The following MTUS2 variants were observed in gnomAD, a reference collection of about 807,000 sequenced individuals.
MTUS2 encodes microtubule associated scaffold protein 2.
MTUS2 carries 40 observed loss-of-function variants against 114.1 expected under a neutral mutation model. The observed-to-expected ratio is 0.35, with a 90% CI of 0.27 to 0.46. MTUS2 has a LOEUF of 0.46. Among genes scored for constraint, MTUS2 ranks in the 20% least tolerant of loss-of-function variants. The pLI is 1.00. For missense variants in MTUS2, 1,679 were observed against 1,705.4 expected, an observed-to-expected ratio of 0.98 and a Z score of 0.27; for synonymous variants, 688 against 672.0, an observed-to-expected ratio of 1.02 and a Z score of -0.37.
At chr13:28,886,208 C>T (rs76726770) in intron 2 of MTUS2, among the ~76,000 whole-genome samples, 5,175 of 152,094 alleles carry the variant, frequency 0.034, 275 homozygotes, top group African/African-American at 0.12. Flanking sequence ...TTTTACTTTG[C>T]GAGATGGGAA....
chr13:29,226,604 C>G (rs977308185), intron 5 of MTUS2, among the ~76,000 whole-genome samples: 2 of 151,782 alleles, frequency 1.3e-5, no homozygotes, highest in Non-Finnish European at 2.9e-5. Flanking sequence ...TTCTCCAAAG[C>G]TTTTAAGACT....
intron 5 of MTUS2, among the ~76,000 whole-genome samples, chr13:29,233,125 T>C (rs537356457): frequency 8.5e-5 from 13 of 152,158 alleles, no homozygotes; most frequent in African/African-American, 2.9e-4. Context: ...TTTTGAAAAA[T>C]AGGTTAATAA....
At chr13:29,307,232 G>T in intron 6 of MTUS2, 1 of 605,702 alleles carries the variant, frequency 1.7e-6, no homozygotes, top group Non-Finnish European at 3.0e-6. Flanking sequence ...AATGCCTCCT[G>T]CACCATGAAT....
At position 29,480,978 on chromosome 13, in the gene MTUS2, G is replaced by T. The variant is rs1357498636; in HGVS notation, c.3399+614G>T. On this transcript the variant is annotated intron_variant, in intron 10 of 15. Coordinates refer to ENST00000612955, the MANE Select transcript of MTUS2 (RefSeq NM_001033602.4). This position sits in a 1 kb window ranked among gnomAD's most constrained non-coding sequence, Gnocchi z 4.4. ...CACGGAAGAAAGCCAAGCCCCCATG[G>T]TTCAATAATTTGCCAGAATTCACAG... is the stretch of plus-strand genomic sequence containing the variant. 2.6e-5 allele frequency among the ~76,000 whole-genome samples: 4 copies of T among 152,100 alleles called. No homozygotes were observed. The highest frequency in any genetic ancestry group is 5.9e-5 in the Non-Finnish European group (4 of 68,014).
At chr13:28,857,921 T>G (rs1876737609) in intron 2 of MTUS2, among the ~76,000 whole-genome samples, 1 of 152,202 alleles carries the variant, frequency 6.6e-6, no homozygotes, top group Admixed American at 6.5e-5. Context: ...GACTGGGCAC[T>G]AAGAACACTG....
At chr13:29,451,538 G>T (rs763228888) in intron 9 of MTUS2, among the ~76,000 whole-genome samples, 9 of 151,852 alleles carry the variant, frequency 5.9e-5, no homozygotes, top group African/African-American at 9.7e-5. Context: ...GAGGTGAGGA[G>T]TATTATTTGA....
At chr13:29,088,278 A>G (rs1162913975) in intron 4 of MTUS2, among the ~76,000 whole-genome samples, 1 of 101,000 alleles carries the variant, frequency 9.9e-6, no homozygotes, top group Non-Finnish European at 2.4e-5. Context: ...ATGTAATTAT[A>G]TGGTTTAGAG....
chr13:29,111,291 A>C (rs1890873509), intron 5 of MTUS2, among the ~76,000 whole-genome samples: 3 of 152,196 alleles, frequency 2.0e-5, no homozygotes, highest in Admixed American at 1.3e-4. Context: ...ATAAGATAAA[A>C]ATTTTAGAAC....
At chr13:28,932,867 G>C (rs1376540909) in intron 2 of MTUS2, among the ~76,000 whole-genome samples, 2 of 152,094 alleles carry the variant, frequency 1.3e-5, no homozygotes, top group Admixed American at 6.6e-5. Flanking sequence ...AATCCTGTTA[G>C]TGCAGTGCTT....
At chr13:29,111,685 T>C (rs1321176051) in intron 5 of MTUS2, among the ~76,000 whole-genome samples, 4 of 152,202 alleles carry the variant, frequency 2.6e-5, no homozygotes, top group Admixed American at 6.5e-5. Context: ...TGTTGTAACA[T>C]GCATAGGCCA....
intron 4 of MTUS2, among the ~76,000 whole-genome samples, chr13:29,096,993 C>T (rs1890205231): frequency 6.6e-6 from 1 of 152,106 alleles, no homozygotes; most frequent in East Asian, 1.9e-4. Flanking sequence ...GACCTTTTGA[C>T]CACTCTCTCA....
intron 5 of MTUS2, among the ~76,000 whole-genome samples, chr13:29,266,613 A>G (rs1197750447): frequency 3.3e-5 from 5 of 152,188 alleles, no homozygotes; most frequent in Admixed American, 2.6e-4. Context: ...TGATCATACT[A>G]TATTATAGAT....
At chr13:29,457,722 CA>C (rs1207787759) in intron 9 of MTUS2, among the ~76,000 whole-genome samples, 1 of 152,100 alleles carries the variant, frequency 6.6e-6, no homozygotes, top group African/African-American at 2.4e-5. Context: ...AAACACCAAA[CA>C]GTTCTCCAAA....
At chr13:29,203,028 C>T (rs574510849) in intron 5 of MTUS2, among the ~76,000 whole-genome samples, 1 of 152,364 alleles carries the variant, frequency 6.6e-6, no homozygotes, top group South Asian at 2.1e-4. Context: ...TAGCAGAGCT[C>T]AAGCACTGTG....
intron 2 of MTUS2, among the ~76,000 whole-genome samples, chr13:28,955,660 C>G (rs1490424060): frequency 6.6e-6 from 1 of 152,174 alleles, no homozygotes; most frequent in Non-Finnish European, 1.5e-5. Flanking sequence ...CCCCTCCCTT[C>G]AGATGCCATT....
chr13:29,184,746 AAACG>A (rs910422567), intron 5 of MTUS2, among the ~76,000 whole-genome samples: 2 of 152,252 alleles, frequency 1.3e-5, no homozygotes, highest in African/African-American at 4.8e-5. Flanking sequence ...GTCACTGAAC[AAACG>A]GACGACAAAC....
In MTUS2 at chr13:29,067,423, T is replaced by G. The variant is rs550815083; in HGVS notation, c.2446+33298T>G. Among the ~76,000 whole-genome samples, 170 of 152,254 alleles carry G rather than the reference T, an allele frequency of 1.1e-3. 5 individuals are homozygous for G. In the South Asian group the frequency reaches 0.035, roughly 31 times the overall value. On this transcript the variant is annotated intron_variant, in intron 4 of 15. Transcript: ENST00000612955. The stretch of plus-strand genomic sequence containing the variant: ...TTTCCAAGTAGAAAGTGGTCAAGAC[T>G]GTCTCATAGACAAGAGGACCAGTAA...
chr13:29,050,824 G>C (rs141720699), intron 4 of MTUS2, among the ~76,000 whole-genome samples: 1 of 152,168 alleles, frequency 6.6e-6, no homozygotes, highest in African/African-American at 2.4e-5. Flanking sequence ...CAAGTAGTAC[G>C]TTCCAGGCAG....
At chr13:29,500,792 AACACACACACACACACACACAC>A (rs3066073) in intron 14 of MTUS2, among the ~76,000 whole-genome samples, 3 of 144,278 alleles carry the variant, frequency 2.1e-5, no homozygotes, top group Non-Finnish European at 3.0e-5. Flanking sequence ...TTACATCAGA[AACACACACACACACACACACAC>A]ACACACACAC....
Sources: allele counts gnomAD v4.1 joint callset (sites outside exome capture counted in the v4.1 genomes callset), GRCh38; gene constraint gnomAD v4.1.1; non-coding constraint Gnocchi (gnomAD v3.1); transcripts MANE v1.5; gene names NCBI Gene and HGNC (gene_info 2026-07-23, HGNC 2026-07-21).